ZSCAN25: variants seen among roughly 807,000 people sequenced by gnomAD.
ZSCAN25 encodes zinc finger and SCAN domain containing 25, also known as zinc finger and SCAN domain-containing protein 25.
A neutral mutation model predicts 38.7 loss-of-function variants in ZSCAN25; 27 were observed. That is an observed-to-expected ratio of 0.70 (90% confidence interval 0.51 to 0.96). The LOEUF (loss-of-function observed/expected upper bound fraction) is 0.96, where lower values mean the gene tolerates loss of function less well. Ranked by LOEUF, ZSCAN25 falls within the 40% of genes least tolerant of loss-of-function variation. The probability of loss-of-function intolerance (pLI) is 0.00; values close to 1 mark genes in which losing one functional copy is unlikely to be tolerated. For missense variants in ZSCAN25, 637 were observed against 705.9 expected (o/e 0.90, Z 1.11); for synonymous variants, 273 against 277.7 (o/e 0.98, Z 0.17).
chr7:99,621,391 G>A lies in ZSCAN25; in HGVS notation c.406G>A (p.Gly136Arg). The A allele has an allele frequency of 6.9e-7, 1 of 1,449,126 alleles. No homozygotes were observed. The highest frequency in any genetic ancestry group is 1.9e-4 in the Middle Eastern group (1 of 5,360). The allele number at this position is 1,449,126 out of a possible 1,614,324, so 89.8% of individuals were successfully genotyped here. A position where few individuals can be genotyped will look rare whatever the true frequency, so the allele number is the denominator to read the frequency against. Reference protein sequence around the residue: ...EAKAVPCHRQGEQEETALCRG... With the variant: ...EAKAVPCHRQREQEETALCRG... ...TTCTTAGGTTCCATGCCACAGGCAGGGAGAGCAGGAGGAAACAGCACTTTG... is the reference window on the plus strand; with the variant it reads ...TTCTTAGGTTCCATGCCACAGGCAGAGAGAGCAGGAGGAAACAGCACTTTG... The change falls in exon 5 of 8, where the codon GGA (glycine) becomes AGA (arginine). Residue 136 changes from glycine (G) to arginine (R), a missense_variant. Gly to Arg is a moderately radical substitution (Grantham distance 125). Transcript: ENST00000394152.
the ZSCAN25 span, chr7:99,662,776 G>C: frequency 6.3e-7 from 1 of 1,576,192 alleles, no homozygotes. This position sits in a 1 kb window ranked among gnomAD's most constrained non-coding sequence, Gnocchi z 4.3. Context: ...CTCCCTCTTA[G>C]TGTCCCCGCC....
the ZSCAN25 span, among the ~76,000 whole-genome samples, chr7:99,700,891 T>G: frequency 6.6e-6 from 1 of 152,222 alleles, no homozygotes; most frequent in African/African-American, 2.4e-5. Context: ...GTTTCCCAAC[T>G]AATGCAATTG....
At chr7:99,625,695 TG>T (rs1367475976) in intron 7 of ZSCAN25, among the ~76,000 whole-genome samples, 1 of 152,038 alleles carries the variant, frequency 6.6e-6, no homozygotes, top group Non-Finnish European at 1.5e-5. Context: ...CCCCTCCCAG[TG>T]ATGCTGCTGT....
chr7:99,708,356 G>A, the ZSCAN25 span, among the ~76,000 whole-genome samples: 2 of 152,106 alleles, frequency 1.3e-5, no homozygotes, highest in East Asian at 3.8e-4. Context: ...TCATGAGGAA[G>A]GAGAAGAAAT....
chr7:99,687,290 T>C, the ZSCAN25 span, among the ~76,000 whole-genome samples: 1 of 152,138 alleles, frequency 6.6e-6, no homozygotes, highest in African/African-American at 2.4e-5. Flanking sequence ...ATTAGATGAA[T>C]GGATAACTAG....
At chr7:99,678,238 A>G in the ZSCAN25 span, among the ~76,000 whole-genome samples, 1 of 152,312 alleles carries the variant, frequency 6.6e-6, no homozygotes, top group Admixed American at 6.5e-5. Flanking sequence ...TCCAGGCTTG[A>G]AGCAGATGAG....
chr7:99,689,626 T>C, the ZSCAN25 span, among the ~76,000 whole-genome samples: 2 of 152,266 alleles, frequency 1.3e-5, no homozygotes, highest in South Asian at 4.2e-4. Flanking sequence ...AAAATCAATG[T>C]ACAAAAATCA....
chr7:99,646,794 TTA>T, the ZSCAN25 span, among the ~76,000 whole-genome samples: 1 of 131,072 alleles, frequency 7.6e-6, no homozygotes, highest in Non-Finnish European at 1.6e-5. Flanking sequence ...AATATATGTT[TTA>T]TACACACACA....
the ZSCAN25 span, among the ~76,000 whole-genome samples, chr7:99,725,815 G>A: frequency 6.6e-6 from 1 of 152,156 alleles, no homozygotes; most frequent in Non-Finnish European, 1.5e-5. Context: ...TTACAGCAGA[G>A]GGTAAGTCCA....
the ZSCAN25 span, among the ~76,000 whole-genome samples, chr7:99,725,971 G>A: frequency 2.0e-5 from 3 of 152,214 alleles, no homozygotes; most frequent in Admixed American, 1.3e-4. Flanking sequence ...GCCAAATTGG[G>A]CAACATTCTT....
chr7:99,654,884 A>T, the ZSCAN25 span, among the ~76,000 whole-genome samples: 9 of 152,248 alleles, frequency 5.9e-5, no homozygotes, highest in African/African-American at 1.9e-4. Context: ...ATGTCTTTTG[A>T]GAAGTGTCTG....
At chr7:99,727,073 CT>C in the ZSCAN25 span, among the ~76,000 whole-genome samples, 3 of 152,304 alleles carry the variant, frequency 2.0e-5, no homozygotes, top group East Asian at 5.8e-4. Context: ...GTCCTAAATC[CT>C]TTCCTCACTC....
chr7:99,673,101 A>G, the ZSCAN25 span, among the ~76,000 whole-genome samples: 5 of 152,326 alleles, frequency 3.3e-5, no homozygotes, highest in African/African-American at 1.2e-4. Flanking sequence ...TAAATCATCA[A>G]GTGCTCACAA....
chr7:99,648,024 G>C, the ZSCAN25 span: 38 of 985,440 alleles, frequency 3.9e-5, 1 homozygote, highest in South Asian at 1.5e-3. Flanking sequence ...AGGAGGAGTT[G>C]ATAATGCTAA....
chr7:99,713,515 C>T, the ZSCAN25 span: 124 of 1,613,420 alleles, frequency 7.7e-5, no homozygotes, highest in Non-Finnish European at 1.0e-4. Context: ...CAATCATCAG[C>T]TGAAGGAAAT....
the ZSCAN25 span, chr7:99,650,361 G>T: frequency 1.2e-6 from 1 of 815,262 alleles, no homozygotes. Context: ...ACTTTTGTGG[G>T]CTGGTCATTG....
the ZSCAN25 span, chr7:99,664,098 G>A: frequency 1.3e-6 from 2 of 1,568,270 alleles, no homozygotes; most frequent in Non-Finnish European, 1.7e-6. Context: ...AAAGAGTACT[G>A]TGGGAAAAAC....
At chr7:99,655,873 C>G in the ZSCAN25 span, among the ~76,000 whole-genome samples, 2 of 152,214 alleles carry the variant, frequency 1.3e-5, no homozygotes, top group Admixed American at 1.3e-4. Context: ...TGATTTGGCT[C>G]TCTGTTTGTC....
chr7:99,688,292 C>A, the ZSCAN25 span, among the ~76,000 whole-genome samples: 1 of 152,052 alleles, frequency 6.6e-6, no homozygotes, highest in African/African-American at 2.4e-5. Flanking sequence ...ACATGCAGAG[C>A]CACACATAGG....
Sources: allele counts gnomAD v4.1 joint callset (sites outside exome capture counted in the v4.1 genomes callset), GRCh38; gene constraint gnomAD v4.1.1; non-coding constraint Gnocchi (gnomAD v3.1); transcripts MANE v1.5; gene names NCBI Gene and HGNC (gene_info 2026-07-23, HGNC 2026-07-21).